The following DPP10 variants were observed in gnomAD, a reference collection of about 807,000 sequenced individuals.
DPP10 encodes inactive dipeptidyl peptidase 10.
Under a neutral mutation model 120.9 loss-of-function variants are expected in DPP10, and 33 were observed. The observed-to-expected ratio is 0.27, with a 90% CI of 0.21 to 0.37. DPP10 has a LOEUF of 0.37. DPP10 is among the 10% of genes least tolerant of loss of function. The pLI is 1.00. For synonymous variants in DPP10, 337 were observed against 326.1 expected, an observed-to-expected ratio of 1.03 and a Z score of -0.36; for missense variants, 816 against 942.8, an observed-to-expected ratio of 0.87 and a Z score of 1.76.
At chr2:115,379,661 A>T (rs568446734) in intron 3 of DPP10, among the ~76,000 whole-genome samples, 2 of 151,718 alleles carry the variant, frequency 1.3e-5, no homozygotes, top group South Asian at 4.2e-4. Context: ...TCAATTTTGG[A>T]TCTTTCCTGC....
rs754599866 is a variant in DPP10, at chr2:115,836,482, G to A, written c.2051-25G>A. On this transcript the variant is annotated intron_variant, in intron 22 of 25. Transcript: ENST00000410059. Reference sequence around the variant, plus strand: ...GTCAAATAGTTTTTAGTTTCTTCTCGAATGTCTGTTTTCTTGGGTCACAGC... The same window carrying A: ...GTCAAATAGTTTTTAGTTTCTTCTCAAATGTCTGTTTTCTTGGGTCACAGC... 1.3e-5 allele frequency: 21 copies of A among 1,602,566 alleles called. 1 individual carries two copies. The highest frequency in any genetic ancestry group is 1.7e-4 in the Middle Eastern group (1 of 5,976).
intron 1 of DPP10, among the ~76,000 whole-genome samples, chr2:114,874,246 A>G (rs1690956211): frequency 6.6e-6 from 1 of 152,190 alleles, no homozygotes; most frequent in South Asian, 2.1e-4. Context: ...ATTTGTGAAT[A>G]AGCCAAGTGA....
intron 1 of DPP10, among the ~76,000 whole-genome samples, chr2:115,067,885 A>G (rs1707046976): frequency 6.0e-5 from 9 of 149,606 alleles, no homozygotes. Flanking sequence ...AAAAAAGAAA[A>G]AAAAGAAAAA....
intron 1 of DPP10, among the ~76,000 whole-genome samples, chr2:115,242,672 A>AT (rs539909325): frequency 0.15 from 18,716 of 124,140 alleles, 1,957 homozygotes; most frequent in African/African-American, 0.32. Context: ...GCCAACATCT[A>AT]TTTTTTTTTT....
At chr2:114,894,147 T>C (rs1395230467) in intron 1 of DPP10, among the ~76,000 whole-genome samples, 1 of 152,166 alleles carries the variant, frequency 6.6e-6, no homozygotes, top group Non-Finnish European at 1.5e-5. Flanking sequence ...ATGTGGCAAG[T>C]TTTTCTTGCA....
At chr2:114,961,322 G>A (rs1469760266) in intron 1 of DPP10, among the ~76,000 whole-genome samples, 2 of 151,978 alleles carry the variant, frequency 1.3e-5, no homozygotes, top group Non-Finnish European at 2.9e-5. Flanking sequence ...TCAAAGTGCT[G>A]AGATTAAAGG....
intron 21 of DPP10, among the ~76,000 whole-genome samples, chr2:115,821,115 C>T (rs1687774961): frequency 1.3e-5 from 2 of 152,116 alleles, no homozygotes; most frequent in Admixed American, 6.5e-5. Context: ...GTTAGTGTTA[C>T]ATATATGTCC....
At chr2:114,530,440 C>A (rs758204897) in intron 1 of DPP10, among the ~76,000 whole-genome samples, 1 of 152,108 alleles carries the variant, frequency 6.6e-6, no homozygotes, top group Non-Finnish European at 1.5e-5. Flanking sequence ...TGATTATTAT[C>A]GAAATATCTG....
chr2:115,001,287 A>G (rs1193690228), intron 1 of DPP10, among the ~76,000 whole-genome samples: 1 of 152,204 alleles, frequency 6.6e-6, no homozygotes, highest in African/African-American at 2.4e-5. Flanking sequence ...ACATAAAGAG[A>G]ATAAACAAAA....
chr2:115,469,884 G>GGAAAA (rs1558709609), intron 3 of DPP10, among the ~76,000 whole-genome samples: 1 of 75,558 alleles, frequency 1.3e-5, no homozygotes, highest in Non-Finnish European at 2.8e-5. Flanking sequence ...GGCAACAAGA[G>GGAAAA]AAAAAAAAAA....
intron 5 of DPP10, among the ~76,000 whole-genome samples, chr2:115,529,162 A>ATT (rs551226170): frequency 6.8e-6 from 1 of 147,316 alleles, no homozygotes; most frequent in Non-Finnish European, 1.5e-5. Flanking sequence ...AATAAGGCAA[A>ATT]TTTTTTTTTT....
At chr2:114,663,664 T>TAGAGAGAGAGAGAGAG (rs1374317856) in intron 1 of DPP10, among the ~76,000 whole-genome samples, 53 of 95,410 alleles carry the variant, frequency 5.6e-4, no homozygotes, top group East Asian at 3.5e-3. Context: ...TATATATATA[T>TAGAGAGAGAGAGAGAG]ATATAGAGAG....
At chr2:115,704,179 G>A (rs544351224) in intron 7 of DPP10, among the ~76,000 whole-genome samples, 44 of 151,552 alleles carry the variant, frequency 2.9e-4, no homozygotes, top group East Asian at 1.7e-3. Context: ...TGTGATTTCT[G>A]GATGAAAGAC....
At chr2:114,631,243 T>C (rs1694900044) in intron 1 of DPP10, among the ~76,000 whole-genome samples, 1 of 152,026 alleles carries the variant, frequency 6.6e-6, no homozygotes, top group South Asian at 2.1e-4. Context: ...AGAGGTCATT[T>C]GCCAGCTCGC....
chr2:114,765,127 T>C (rs1680598921), intron 1 of DPP10, among the ~76,000 whole-genome samples: 2 of 152,184 alleles, frequency 1.3e-5, no homozygotes. Context: ...TTTCATTTTT[T>C]CTTCTGATTC....
At chr2:114,577,137 C>T (rs1180062417) in intron 1 of DPP10, among the ~76,000 whole-genome samples, 1 of 152,150 alleles carries the variant, frequency 6.6e-6, no homozygotes, top group African/African-American at 2.4e-5. Context: ...TGTTTTCTCC[C>T]TCATCTGTGC....
intron 1 of DPP10, among the ~76,000 whole-genome samples, chr2:115,030,064 T>G (rs901084577): frequency 6.6e-6 from 1 of 152,184 alleles, no homozygotes; most frequent in Non-Finnish European, 1.5e-5. Flanking sequence ...CAACAATGAA[T>G]TTCTTCAACT....
At chr2:115,341,395 C>T (rs1302821711) in intron 2 of DPP10, among the ~76,000 whole-genome samples, 1 of 152,112 alleles carries the variant, frequency 6.6e-6, no homozygotes, top group Non-Finnish European at 1.5e-5. Context: ...CATAGCTTCC[C>T]CAATTATCAA....
intron 1 of DPP10, among the ~76,000 whole-genome samples, chr2:114,640,803 T>G (rs1695650220): frequency 6.6e-6 from 1 of 151,856 alleles, no homozygotes; most frequent in African/African-American, 2.4e-5. Flanking sequence ...TCCTTCTTGG[T>G]ATGTTACAGG....
Sources: allele counts gnomAD v4.1 joint callset (sites outside exome capture counted in the v4.1 genomes callset), GRCh38; gene constraint gnomAD v4.1.1; transcripts MANE v1.5; gene names NCBI Gene and HGNC (gene_info 2026-07-23, HGNC 2026-07-21).